GPHN: variants seen among roughly 807,000 people sequenced by gnomAD.
GPHN encodes the protein gephyrin.
In GPHN, 17 loss-of-function variants were observed where a neutral mutation model predicts 95.5. The observed-to-expected ratio is 0.18, with a 90% CI of 0.12 to 0.27. GPHN has a LOEUF of 0.27. Among genes scored for constraint, GPHN ranks in the 10% least tolerant of loss-of-function variants. The pLI is 1.00. For missense variants in GPHN, 660 were observed against 978.1 expected (o/e 0.67, Z 4.34); for synonymous variants, 320 against 322.5 (o/e 0.99, Z 0.08).
the GPHN span, among the ~76,000 whole-genome samples, chr14:67,195,235 T>C: frequency 0.2 from 29,878 of 152,186 alleles, 4,765 homozygotes; most frequent in East Asian, 0.44. Flanking sequence ...ACCTCAACTT[T>C]GTTCAAAAAG....
intron 17 of GPHN, among the ~76,000 whole-genome samples, chr14:67,126,488 A>G (rs950979827): frequency 2.0e-5 from 3 of 152,218 alleles, no homozygotes; most frequent in Non-Finnish European, 4.4e-5. Flanking sequence ...CAAGTAGGAA[A>G]CTGAATGCAC....
At chr14:66,778,059 G>A (rs962754705) in intron 3 of GPHN, among the ~76,000 whole-genome samples, 3 of 152,158 alleles carry the variant, frequency 2.0e-5, no homozygotes, top group Non-Finnish European at 4.4e-5. Context: ...CGACATGATT[G>A]TATATCTAGA....
At chr14:67,628,582 C>T in the GPHN span, among the ~76,000 whole-genome samples, 1 of 152,112 alleles carries the variant, frequency 6.6e-6, no homozygotes, top group East Asian at 1.9e-4. Flanking sequence ...AACTTAATAC[C>T]TCTTATCAAA....
intron 4 of GPHN, among the ~76,000 whole-genome samples, chr14:66,864,247 A>T (rs908962871): frequency 1.3e-5 from 2 of 152,208 alleles, no homozygotes; most frequent in African/African-American, 4.8e-5. Context: ...GAGAACTACA[A>T]ATCAAAACCA....
At chr14:67,659,597 G>T in the GPHN span, 1 of 889,704 alleles carries the variant, frequency 1.1e-6, no homozygotes, top group Non-Finnish European at 1.6e-6. Flanking sequence ...ATGCAGAAAA[G>T]AGGATAAGGG....
the GPHN span, chr14:67,588,292 T>A: frequency 1.3e-5 from 2 of 152,586 alleles, no homozygotes; most frequent in Non-Finnish European, 2.9e-5. Flanking sequence ...TTCCTTCTTC[T>A]TGTAAAAGAC....
intron 21 of GPHN, among the ~76,000 whole-genome samples, chr14:67,176,350 G>C (rs371415538): frequency 1.3e-5 from 2 of 152,098 alleles, no homozygotes; most frequent in Non-Finnish European, 2.9e-5. Context: ...GGTTTTTGTC[G>C]TTGGTTCTGT....
chr14:67,609,222 A>C, the GPHN span, among the ~76,000 whole-genome samples: 1 of 152,190 alleles, frequency 6.6e-6, no homozygotes, highest in Non-Finnish European at 1.5e-5. Flanking sequence ...TCAGGCTGTG[A>C]CATCTGTGCC....
the GPHN span, among the ~76,000 whole-genome samples, chr14:67,313,570 A>G: frequency 6.6e-6 from 1 of 152,210 alleles, no homozygotes; most frequent in African/African-American, 2.4e-5. Flanking sequence ...GAGCAGAACT[A>G]AGGGAAGTTT....
the GPHN span, chr14:67,387,349 C>T: frequency 1.9e-6 from 3 of 1,611,240 alleles, no homozygotes; most frequent in Non-Finnish European, 2.5e-6. Context: ...TTTTTGATAG[C>T]TTCAATCCAC....
the GPHN span, among the ~76,000 whole-genome samples, chr14:67,344,742 C>T: frequency 6.6e-6 from 1 of 150,766 alleles, no homozygotes; most frequent in Non-Finnish European, 1.5e-5. Context: ...ATTATCCAGG[C>T]GAGGTGGCAC....
At chr14:66,573,082 C>T (rs978077810) in intron 1 of GPHN, among the ~76,000 whole-genome samples, 1 of 152,154 alleles carries the variant, frequency 6.6e-6, no homozygotes, top group African/African-American at 2.4e-5. Context: ...TTTGGATCTT[C>T]TTAAATGTAT....
chr14:67,660,256 A>C, the GPHN span: 1 of 170,240 alleles, frequency 5.9e-6, no homozygotes, highest in Admixed American at 6.2e-5. Context: ...TCCATTTCAT[A>C]TATAAGACTT....
the GPHN span, among the ~76,000 whole-genome samples, chr14:67,296,328 C>A: frequency 6.6e-6 from 1 of 152,052 alleles, no homozygotes; most frequent in African/African-American, 2.4e-5. Flanking sequence ...ACGCCGGATG[C>A]AGTGGCTCAC....
intron 1 of GPHN, among the ~76,000 whole-genome samples, chr14:66,625,780 T>C (rs1057094744): frequency 2.0e-5 from 3 of 152,214 alleles, no homozygotes; most frequent in Non-Finnish European, 2.9e-5. Flanking sequence ...TTACTGCGTT[T>C]AGTTTAATCT....
the GPHN span, chr14:67,470,734 G>A: frequency 1.3e-5 from 2 of 152,448 alleles, no homozygotes; most frequent in African/African-American, 4.9e-5. Context: ...GAGGGGACAG[G>A]GCACATGGGA....
the GPHN span, among the ~76,000 whole-genome samples, chr14:67,339,303 C>G: frequency 1.3e-5 from 2 of 151,902 alleles, no homozygotes; most frequent in African/African-American, 4.8e-5. Flanking sequence ...AGCCTAGAAG[C>G]CTTTATTAGG....
At chr14:67,528,901 TGTATTTTCAGATCA>T in the GPHN span, among the ~76,000 whole-genome samples, 2 of 152,166 alleles carry the variant, frequency 1.3e-5, no homozygotes, top group African/African-American at 4.8e-5. Flanking sequence ...GCCTGGAATC[TGTATTTTCAGATCA>T]GCATTTTAAG....
intron 3 of GPHN, among the ~76,000 whole-genome samples, chr14:66,782,901 G>A (rs10144919): frequency 1.3e-5 from 2 of 151,890 alleles, no homozygotes; most frequent in South Asian, 2.1e-4. Context: ...AAAGAAGAAG[G>A]CAGACTACCT....
Sources: allele counts gnomAD v4.1 joint callset (sites outside exome capture counted in the v4.1 genomes callset), GRCh38; gene constraint gnomAD v4.1.1; transcripts MANE v1.5; gene names NCBI Gene and HGNC (gene_info 2026-07-23, HGNC 2026-07-21).